Variants in LIMK2 observed in about 807,000 individuals in gnomAD.
LIMK2 encodes LIM domain kinase 2.
In LIMK2, 35 loss-of-function variants were observed where a neutral mutation model predicts 75.7. That is an observed-to-expected ratio of 0.46 (90% CI 0.35 to 0.61). LIMK2 has a LOEUF of 0.61. LIMK2 is among the 20% of genes least tolerant of loss of function. The pLI, the probability that LIMK2 is intolerant of heterozygous loss-of-function variation, is 0.00. For synonymous variants in LIMK2, 301 were observed against 319.2 expected, an observed-to-expected ratio of 0.94 and a Z score of 0.61; for missense variants, 623 against 831.0, an observed-to-expected ratio of 0.75 and a Z score of 3.08.
intron 2 of LIMK2, among the ~76,000 whole-genome samples, chr22:31,255,023 A>G (rs1046940211): frequency 6.6e-6 from 1 of 152,160 alleles, no homozygotes; most frequent in African/African-American, 2.4e-5. Flanking sequence ...TGACATTGCC[A>G]TTTCACAAAT....
chr22:31,213,203 C>G (rs1316871658), intron 1 of LIMK2, among the ~76,000 whole-genome samples: 2 of 152,168 alleles, frequency 1.3e-5, no homozygotes, highest in Non-Finnish European at 2.9e-5. Context: ...GAAGAGTTGT[C>G]TAAGGGTGAA....
chr22:31,277,423 A>G, intron 15 of LIMK2: 1 of 1,187,226 alleles, frequency 8.4e-7, no homozygotes, highest in Non-Finnish European at 1.0e-6. Flanking sequence ...GCTCAAAAAA[A>G]AAAAAAAAAA....
chr22:31,250,627 T>C (rs1226156820), intron 2 of LIMK2, among the ~76,000 whole-genome samples: 3 of 152,210 alleles, frequency 2.0e-5, no homozygotes, highest in African/African-American at 7.2e-5. Flanking sequence ...TCTGAAGAGA[T>C]AGCTGCCACA....
At chr22:31,219,098 G>A (rs2048412212) in intron 1 of LIMK2, among the ~76,000 whole-genome samples, 1 of 152,218 alleles carries the variant, frequency 6.6e-6, no homozygotes, top group Admixed American at 6.5e-5. Context: ...GTGTTCTTGA[G>A]CAAGTCTCAA....
chr22:31,219,625 G>A (rs749536947), intron 1 of LIMK2, among the ~76,000 whole-genome samples: 2 of 151,904 alleles, frequency 1.3e-5, no homozygotes, highest in Non-Finnish European at 2.9e-5. Flanking sequence ...AAGCTGGAGC[G>A]CAGTGGCACG....
At chr22:31,230,029 T>C (rs2048513402) in intron 2 of LIMK2, 1 of 150,566 alleles carries the variant, frequency 6.6e-6, no homozygotes, top group Non-Finnish European at 1.5e-5. Flanking sequence ...TTTTTTTCTT[T>C]TCTTTTTTTT....
At chr22:31,277,615 A>G in intron 15 of LIMK2, 1 of 858,718 alleles carries the variant, frequency 1.2e-6, no homozygotes, top group South Asian at 5.2e-5. Flanking sequence ...TCTTTAATTT[A>G]TTAAAAAATA....
At chr22:31,219,511 T>C (rs2048415905) in intron 1 of LIMK2, among the ~76,000 whole-genome samples, 1 of 152,214 alleles carries the variant, frequency 6.6e-6, no homozygotes, top group Non-Finnish European at 1.5e-5. Context: ...TCCTTTATTG[T>C]TTGAAGGTAC....
chr22:31,278,915 G>A lies in LIMK2; in HGVS notation c.*474G>A, dbSNP rs2049058973. ...GAAAGAAAGACTGATGGCTCAAAGG[G>A]TGTGAAAAAGTCAGTGATGCTCCCC... On this transcript the variant is annotated 3_prime_UTR_variant, in exon 16 of 16. Coordinates refer to ENST00000331728, the MANE Select transcript of LIMK2 (RefSeq NM_005569.4). The A allele has an allele frequency of 6.5e-6, 1 of 152,910 alleles. No homozygotes were observed. Among genetic ancestry groups the A allele is most frequent in the Non-Finnish European group, 1.5e-5 (1 of 68,520 alleles). The allele number at this position is 152,910 out of a possible 1,614,324, so 9.5% of individuals were successfully genotyped here.
chr22:31,276,496 G>A (rs1417610194), intron 15 of LIMK2, among the ~76,000 whole-genome samples: 4 of 148,124 alleles, frequency 2.7e-5, no homozygotes, highest in Non-Finnish European at 6.0e-5. Context: ...ACAAAGGGCG[G>A]GCGGATCGGC....
chr22:31,259,076 A>T, intron 3 of LIMK2, 45 bp from the exon 4 acceptor site: 1 of 1,155,640 alleles, frequency 8.7e-7, no homozygotes, highest in Non-Finnish European at 1.3e-6. Flanking sequence ...GTGATAACTC[A>T]CTTCCTTCCT....
At position 31,273,582 on chromosome 22, in the gene LIMK2, TCC is replaced by T; in HGVS notation, c.1614+76_1614+77del. ...TGCCTTCCCTCGGAACTGGGGCATC[TCC>T]TCCTAGGGATGACTAGCTTGACTAA... On this transcript the variant is annotated intron_variant, in intron 14 of 15. Transcript: ENST00000331728. 8 of 1,177,992 alleles carry T rather than the reference TCC, an allele frequency of 6.8e-6. No homozygotes were observed. The South Asian group carries it at 9.8e-5, about 14-fold the overall frequency. 73.0% of individuals were successfully genotyped at this position (1,177,992 alleles called of 1,614,324 possible).
At chr22:31,266,159 T>C (rs752112137) in intron 8 of LIMK2, 27 bp downstream of exon 8, 1 of 1,610,138 alleles carries the variant, frequency 6.2e-7, no homozygotes, top group Non-Finnish European at 8.5e-7. Context: ...ATTGCTTTGC[T>C]CTTCTGCCCC....
intron 2 of LIMK2, among the ~76,000 whole-genome samples, chr22:31,242,694 C>T: frequency 6.6e-6 from 1 of 152,180 alleles, no homozygotes; most frequent in Admixed American, 6.5e-5. Flanking sequence ...AAAGTTCTAT[C>T]CAGATGCCAA....
intron 12 of LIMK2, among the ~76,000 whole-genome samples, chr22:31,272,227 ATTT>A (rs34015226): frequency 7.6e-6 from 1 of 131,022 alleles, no homozygotes; most frequent in African/African-American, 3.0e-5. Flanking sequence ...CGCCCAGCTA[ATTT>A]TTTTTTTTTT....
intron 2 of LIMK2, among the ~76,000 whole-genome samples, chr22:31,255,592 C>T (rs912279171): frequency 2.0e-5 from 3 of 152,186 alleles, no homozygotes; most frequent in African/African-American, 4.8e-5. Flanking sequence ...CTCTACCTCC[C>T]GCAGTGCTCA....
intron 2 of LIMK2, among the ~76,000 whole-genome samples, chr22:31,230,389 C>T (rs2048517358): frequency 1.3e-5 from 2 of 152,126 alleles, no homozygotes; most frequent in African/African-American, 2.4e-5. Flanking sequence ...TGTTAGCAAG[C>T]CAGAGGACCT....
chr22:31,246,183 G>GCGCA (rs746599250), intron 2 of LIMK2, among the ~76,000 whole-genome samples: 14 of 134,994 alleles, frequency 1.0e-4, no homozygotes, highest in South Asian at 5.0e-4. Flanking sequence ...ACGCACGCAC[G>GCGCA]CACACACACA....
chr22:31,260,141 G>A, intron 5 of LIMK2, 64 bp downstream of exon 5: 1 of 1,336,634 alleles, frequency 7.5e-7, no homozygotes, highest in Non-Finnish European at 1.0e-6. Flanking sequence ...GGCCTCAGAG[G>A]GCTTAGACCT....
Sources: allele counts gnomAD v4.1 joint callset (sites outside exome capture counted in the v4.1 genomes callset), GRCh38; gene constraint gnomAD v4.1.1; transcripts MANE v1.5; gene names NCBI Gene and HGNC (gene_info 2026-07-23, HGNC 2026-07-21).